CTNNA2: variants seen among roughly 807,000 people sequenced by gnomAD.
CTNNA2 encodes catenin alpha-2.
A neutral mutation model predicts 101.0 loss-of-function variants in CTNNA2; 42 were observed. The ratio of observed to expected loss-of-function variants is 0.42; its 90% confidence interval spans 0.32 to 0.54. CTNNA2 has a LOEUF of 0.54. Ranked by LOEUF, CTNNA2 falls within the 20% of genes least tolerant of loss-of-function variation. The pLI is 0.14. For synonymous variants in CTNNA2, 450 were observed against 456.4 expected (o/e 0.99, Z 0.18); for missense variants, 871 against 1,223.1 (o/e 0.71, Z 4.29).
intron 3 of CTNNA2, among the ~76,000 whole-genome samples, chr2:79,828,577 T>C (rs1678623380): frequency 1.3e-5 from 2 of 152,222 alleles, no homozygotes; most frequent in Admixed American, 6.5e-5. Context: ...GTAATGGCAT[T>C]GCCTTTCAGA....
chr2:79,259,161 TTGAC>T (rs576248506), intron 2 of CTNNA2, among the ~76,000 whole-genome samples: 105 of 152,296 alleles, frequency 6.9e-4, no homozygotes, highest in African/African-American at 2.4e-3. Context: ...CTATTTGTAC[TTGAC>T]TGACTAATAA....
At chr2:80,353,194 C>T (rs535431175) in intron 7 of CTNNA2, among the ~76,000 whole-genome samples, 1 of 152,026 alleles carries the variant, frequency 6.6e-6, no homozygotes, top group African/African-American at 2.4e-5. Context: ...TTAGATTCTC[C>T]ATTTAGATTA....
At chr2:80,646,825 TTAAAGAC>T (rs1674145353) in intron 18 of CTNNA2, among the ~76,000 whole-genome samples, 1 of 152,096 alleles carries the variant, frequency 6.6e-6, no homozygotes, top group Non-Finnish European at 1.5e-5. Flanking sequence ...AGTAGTATCT[TTAAAGAC>T]TAAAACCTGT....
intron 1 of CTNNA2, among the ~76,000 whole-genome samples, chr2:79,585,197 A>G (rs1183596824): frequency 6.6e-6 from 1 of 151,748 alleles, no homozygotes; most frequent in East Asian, 1.9e-4. Flanking sequence ...TCTTTTCTGT[A>G]TGTTAATGTT....
Position 79,502,987 on chromosome 2 carries a change from C to T in CTNNA2, c.-134-2067C>T, listed in dbSNP as rs1210893471. ...CAATATAGACCTTCTCTTACCAAAG[C>T]GATTTGACTACCATCCTTGCTGTGT... On this transcript the variant is annotated intron_variant, in intron 4 of 21. Coordinates refer to the CTNNA2 transcript ENST00000466387. Among the ~76,000 whole-genome samples the T allele has an allele frequency of 4.6e-5, 7 of 152,230 alleles. No homozygotes were observed. The South Asian group carries it at 6.2e-4, about 14-fold the overall frequency.
intron 2 of CTNNA2, among the ~76,000 whole-genome samples, chr2:79,727,006 A>G (rs980979974): frequency 9.2e-5 from 14 of 152,242 alleles, no homozygotes; most frequent in African/African-American, 3.4e-4. Context: ...ACCGGAAGTG[A>G]CTACATGTTG....
intron 9 of CTNNA2, among the ~76,000 whole-genome samples, chr2:80,505,277 C>G (rs1025091578): frequency 6.6e-6 from 1 of 152,158 alleles, no homozygotes; most frequent in Non-Finnish European, 1.5e-5. Context: ...TGATAATTTA[C>G]GTAAAGCTCC....
At chr2:79,852,594 C>T (rs747887511) in intron 3 of CTNNA2, among the ~76,000 whole-genome samples, 9 of 152,176 alleles carry the variant, frequency 5.9e-5, no homozygotes, top group Admixed American at 1.3e-4. Flanking sequence ...TGTTTTGAGA[C>T]GGAGCTTCAC....
chr2:79,817,417 C>T (rs1306415759), intron 3 of CTNNA2, among the ~76,000 whole-genome samples: 3 of 140,616 alleles, frequency 2.1e-5, no homozygotes, highest in African/African-American at 8.0e-5. Flanking sequence ...TTCTGCCTTG[C>T]CATAGAATAA....
At chr2:80,212,119 G>A (rs550479044) in intron 7 of CTNNA2, among the ~76,000 whole-genome samples, 10 of 152,158 alleles carry the variant, frequency 6.6e-5, no homozygotes, top group East Asian at 1.9e-4. Context: ...GATTTTGGGC[G>A]GAGACAATGG....
intron 7 of CTNNA2, among the ~76,000 whole-genome samples, chr2:80,129,455 T>C (rs1702301317): frequency 6.6e-6 from 1 of 152,174 alleles, no homozygotes; most frequent in African/African-American, 2.4e-5. Flanking sequence ...TCACGGGTGT[T>C]ACTGATACCT....
intron 2 of CTNNA2, among the ~76,000 whole-genome samples, chr2:79,305,897 T>A (rs1391018957): frequency 2.0e-5 from 3 of 151,646 alleles, no homozygotes; most frequent in African/African-American, 7.3e-5. Flanking sequence ...TACAAAAAAA[T>A]TAGCTGGGCA....
chr2:79,852,559 A>G (rs1347268275), intron 3 of CTNNA2, among the ~76,000 whole-genome samples: 1 of 152,212 alleles, frequency 6.6e-6, no homozygotes, highest in Non-Finnish European at 1.5e-5. Flanking sequence ...TGAAAGAGTG[A>G]AAAGAAAAGT....
chr2:79,206,316 C>A (rs1452304067), intron 2 of CTNNA2, among the ~76,000 whole-genome samples: 1 of 151,638 alleles, frequency 6.6e-6, no homozygotes, highest in South Asian at 2.1e-4. Flanking sequence ...TGACTAGTAC[C>A]TTTAAATATA....
At chr2:79,528,216 T>C (rs1240764893) in intron 1 of CTNNA2, among the ~76,000 whole-genome samples, 1 of 151,880 alleles carries the variant, frequency 6.6e-6, no homozygotes, top group Non-Finnish European at 1.5e-5. Context: ...TCTTTTCTTT[T>C]TTTTTTGGAG....
chr2:79,919,004 G>A (rs1184334447), intron 7 of CTNNA2, among the ~76,000 whole-genome samples: 1 of 152,224 alleles, frequency 6.6e-6, no homozygotes, highest in Non-Finnish European at 1.5e-5. Flanking sequence ...TGACTGGGCA[G>A]ACTTGGAAAG....
At chr2:79,500,371 G>C (rs79675249) in intron 4 of CTNNA2, among the ~76,000 whole-genome samples, 2,099 of 152,100 alleles carry the variant, frequency 0.014, 37 homozygotes, top group South Asian at 0.093. Flanking sequence ...ATTTCTATGG[G>C]ATACAAACAG....
intron 2 of CTNNA2, among the ~76,000 whole-genome samples, chr2:79,218,310 TTTGTGTG>T (rs1158586340): frequency 3.1e-5 from 4 of 130,500 alleles, no homozygotes; most frequent in African/African-American, 1.2e-4. Flanking sequence ...CTTCATGAAC[TTTGTGTG>T]TGTGTGTGTG....
At chr2:80,562,670 AAAC>A (rs1693711755) in intron 12 of CTNNA2, among the ~76,000 whole-genome samples, 1 of 152,320 alleles carries the variant, frequency 6.6e-6, no homozygotes, top group East Asian at 1.9e-4. Context: ...TGTAGGCTAG[AAAC>A]AACACAAATA....
Sources: gnomAD v4.1 joint callset for allele counts (sites outside exome capture counted in the v4.1 genomes callset) on GRCh38, gnomAD v4.1.1 for gene constraint, MANE v1.5 for transcripts, NCBI Gene and HGNC (gene_info 2026-07-23, HGNC 2026-07-21) for gene names.